Variants in PPP2R5A observed in about 807,000 individuals in gnomAD.
The protein encoded by PPP2R5A is serine/threonine-protein phosphatase 2A 56 kDa regulatory subunit alpha isoform.
In PPP2R5A, 25 loss-of-function variants were observed where a neutral mutation model predicts 64.2. The ratio of observed to expected loss-of-function variants is 0.39; its 90% CI spans 0.28 to 0.54. The LOEUF (loss-of-function observed/expected upper bound fraction) is 0.54. Ranked by LOEUF, PPP2R5A falls within the 20% of genes least tolerant of loss-of-function variation. The pLI, the probability that PPP2R5A is intolerant of heterozygous loss-of-function variation, is 0.67. For missense variants in PPP2R5A, 425 were observed against 576.3 expected, an observed-to-expected ratio of 0.74 and a Z score of 2.69; for synonymous variants, 198 against 201.2, an observed-to-expected ratio of 0.98 and a Z score of 0.13.
intron 11 of PPP2R5A, 62 bp from the exon 12 acceptor site, chr1:212,358,624 A>T: frequency 8.3e-7 from 1 of 1,205,988 alleles, no homozygotes; most frequent in Admixed American, 1.9e-5. Context: ...TAGAGACCAT[A>T]GTGTTACATT....
chr1:212,340,771 C>T (rs1558151709), intron 3 of PPP2R5A, among the ~76,000 whole-genome samples: 1 of 152,108 alleles, frequency 6.6e-6, no homozygotes. Context: ...TGCTCAGATC[C>T]CCAAACTTTT....
intron 1 of PPP2R5A, among the ~76,000 whole-genome samples, chr1:212,320,585 C>CG (rs992433252): frequency 2.0e-5 from 3 of 147,698 alleles, no homozygotes; most frequent in African/African-American, 7.5e-5. Flanking sequence ...CTGACCCCCC[C>CG]GCCTCCCTCC....
intron 1 of PPP2R5A, among the ~76,000 whole-genome samples, chr1:212,320,145 C>T (rs1659242856): frequency 6.6e-6 from 1 of 151,540 alleles, no homozygotes; most frequent in Non-Finnish European, 1.5e-5. Flanking sequence ...GTGGTGATGA[C>T]TCTTAACGAG....
intron 1 of PPP2R5A, among the ~76,000 whole-genome samples, chr1:212,320,620 G>T (rs531622310): frequency 6.9e-6 from 1 of 144,200 alleles, no homozygotes; most frequent in Non-Finnish European, 1.5e-5. Flanking sequence ...GGCCGGGCGG[G>T]GGGCTGACCT....
intron 12 of PPP2R5A, 90 bp downstream of exon 12, chr1:212,358,877 G>C: frequency 2.0e-6 from 2 of 995,110 alleles, no homozygotes; most frequent in East Asian, 5.6e-5. Context: ...TCTCAGTTCA[G>C]ATTTTCATAT....
rs758450872 is a variant in PPP2R5A, at chr1:212,286,145, G to C, written c.35G>C (p.Ser12Thr). Reference sequence around the variant, plus strand: ...TCGTCGCCGCCGGCGGGGGCTGCCAGCGCCGCCATCTCGGCCTCGGAGAAA... The same window carrying C: ...TCGTCGCCGCCGGCGGGGGCTGCCACCGCCGCCATCTCGGCCTCGGAGAAA... The part of the protein sequence containing the change: ...SSSSPPAGAA[S>T]AAISASEKVD... The change falls in exon 1 of 13, where the codon AGC (serine) becomes ACC (threonine). Residue 12 changes from serine (S) to threonine (T), a missense_variant. Physicochemically the swap from Ser to Thr is moderately conservative, Grantham distance 58. This residue lies in a region of PPP2R5A where 104 missense variants were observed against 95.7 expected (regional missense o/e 1.09). Transcript: ENST00000261461. 3.2e-6 allele frequency: 5 copies of C among 1,586,894 alleles called. No homozygotes were observed. The South Asian group carries it at 5.7e-5, about 18-fold the overall frequency.
At chr1:212,340,429 A>G (rs1279042247) in intron 3 of PPP2R5A, among the ~76,000 whole-genome samples, 1 of 152,188 alleles carries the variant, frequency 6.6e-6, no homozygotes, top group Non-Finnish European at 1.5e-5. Context: ...ATAGCCCAGT[A>G]CTGGACATGA....
chr1:212,314,406 G>A (rs756829197), intron 1 of PPP2R5A, among the ~76,000 whole-genome samples: 2 of 151,710 alleles, frequency 1.3e-5, no homozygotes, highest in Non-Finnish European at 2.9e-5. Flanking sequence ...TTTAAGATGG[G>A]TTCTTAAAAA....
intron 1 of PPP2R5A, among the ~76,000 whole-genome samples, chr1:212,288,896 T>C (rs925391422): frequency 6.6e-6 from 1 of 152,202 alleles, no homozygotes; most frequent in Non-Finnish European, 1.5e-5. Flanking sequence ...GCATCTGAAC[T>C]GGAAAGGTGC....
chr1:212,356,745 T>C, intron 9 of PPP2R5A, 69 bp downstream of exon 9: 2 of 1,515,280 alleles, frequency 1.3e-6, no homozygotes, highest in Admixed American at 1.9e-5. Flanking sequence ...TAAACCATGC[T>C]TCTTTGGGCT....
intron 12 of PPP2R5A, 112 bp from the exon 13 acceptor site, chr1:212,360,526 G>T: frequency 1.1e-6 from 1 of 931,514 alleles, no homozygotes; most frequent in Admixed American, 3.1e-5. Flanking sequence ...TTTAGCAGAG[G>T]GATTTAAGTG....
chr1:212,289,359 C>A (rs771679585), intron 1 of PPP2R5A, among the ~76,000 whole-genome samples: 1 of 152,132 alleles, frequency 6.6e-6, no homozygotes, highest in African/African-American at 2.4e-5. Flanking sequence ...TACAAACATC[C>A]TATTCATTGG....
At chr1:212,291,964 A>G (rs1023082259) in intron 1 of PPP2R5A, among the ~76,000 whole-genome samples, 3 of 152,218 alleles carry the variant, frequency 2.0e-5, no homozygotes, top group Non-Finnish European at 2.9e-5. Context: ...ATGTAAAACT[A>G]GTTTCCTCTG....
At position 212,339,315 on chromosome 1, in the gene PPP2R5A, T is replaced by C. The variant is rs992688593; in HGVS notation, c.481-2873T>C. On this transcript the variant is annotated intron_variant, in intron 3 of 12. Transcript: ENST00000261461. ...GCCTCAGCCTCCCAAGTAGCTGGGA[T>C]TACAGGCATGCACCACCATGTCTGG... 2.0e-5 allele frequency among the ~76,000 whole-genome samples: 3 copies of C among 152,130 alleles called. No homozygotes were observed. In the East Asian group the frequency reaches 5.8e-4, roughly 29 times the overall value.
At chr1:212,353,479 A>G (rs531399273) in intron 8 of PPP2R5A, among the ~76,000 whole-genome samples, 11 of 152,226 alleles carry the variant, frequency 7.2e-5, no homozygotes, top group African/African-American at 2.6e-4. Context: ...AGCCTGCTAC[A>G]TTTTTCCTTT....
chr1:212,349,001 T>C (rs1436060430), intron 7 of PPP2R5A, among the ~76,000 whole-genome samples, 188 bp from the exon 8 acceptor site: 1 of 152,190 alleles, frequency 6.6e-6, no homozygotes, highest in Non-Finnish European at 1.5e-5. Flanking sequence ...GCTAAAAAGT[T>C]ACACAATTGT....
chr1:212,293,763 C>G (rs2102410783), intron 1 of PPP2R5A, among the ~76,000 whole-genome samples: 1 of 151,972 alleles, frequency 6.6e-6, no homozygotes, highest in East Asian at 1.9e-4. Context: ...GAAACACACT[C>G]CTCCTACTGG....
At chr1:212,357,317 CTTTTTTTTTT>C (rs376007639) in intron 11 of PPP2R5A, 33 bp downstream of exon 11, 2 of 1,159,106 alleles carry the variant, frequency 1.7e-6, no homozygotes, top group Admixed American at 3.3e-5. Flanking sequence ...GTATTTTTTT[CTTTTTTTTTT>C]TTTATATCTT....
Position 212,347,374 on chromosome 1 carries a change from TG to T in PPP2R5A, c.734del (p.Gly245ValfsTer9). 1.3e-6 allele frequency: 2 copies of T among 1,594,016 alleles called. No homozygotes were observed. The highest frequency in any genetic ancestry group is 1.7e-6 in the Non-Finnish European group (2 of 1,163,850). ...TTATATATGAAACAGAACATTTCAA[TG>T]GTGTTGCTGAACTTCTTGAAATATT... Reference protein sequence around the residue: ...RFIYETEHFNGVAELLEILGS... With the variant: ...RFIYETEHFNXVAELLEILGS... On this transcript the variant is annotated frameshift_variant, in exon 6 of 13. Transcript: ENST00000261461. LOFTEE classifies it high-confidence loss of function.
Sources: allele counts gnomAD v4.1 joint callset (sites outside exome capture counted in the v4.1 genomes callset), GRCh38; gene constraint gnomAD v4.1.1; regional missense constraint gnomAD v4.1.1; transcripts MANE v1.5; gene names NCBI Gene and HGNC (gene_info 2026-07-23, HGNC 2026-07-21).